The following GAS2 variants were observed in gnomAD, a reference collection of about 807,000 sequenced individuals.
GAS2 encodes growth arrest specific 2.
In GAS2, 20 loss-of-function variants were observed where a neutral mutation model predicts 37.5. The ratio of observed to expected loss-of-function variants is 0.53; its 90% CI spans 0.37 to 0.77. The LOEUF (loss-of-function observed/expected upper bound fraction) is 0.77, where lower values mean the gene tolerates loss of function less well. Ranked by LOEUF, GAS2 falls within the 30% of genes least tolerant of loss-of-function variation. The pLI is 0.00. For synonymous variants in GAS2, 144 were observed against 132.2 expected, an observed-to-expected ratio of 1.09 and a Z score of -0.61; for missense variants, 336 against 373.4, an observed-to-expected ratio of 0.90 and a Z score of 0.82.
intron 1 of GAS2, among the ~76,000 whole-genome samples, chr11:22,658,339 A>G (rs1848878772): frequency 6.6e-6 from 1 of 152,154 alleles, no homozygotes; most frequent in Non-Finnish European, 1.5e-5. Flanking sequence ...TTTGCTTTTA[A>G]AAGACTCAAT....
intron 3 of GAS2, among the ~76,000 whole-genome samples, chr11:22,696,037 A>C (rs955310113): frequency 2.0e-5 from 3 of 151,582 alleles, no homozygotes; most frequent in African/African-American, 7.3e-5. Flanking sequence ...GGTGTGCTGC[A>C]CCCATTAACT....
At chr11:22,673,177 C>G (rs1473723261) in intron 1 of GAS2, among the ~76,000 whole-genome samples, 2 of 152,090 alleles carry the variant, frequency 1.3e-5, no homozygotes, top group Non-Finnish European at 2.9e-5. Context: ...TTTTCTATTA[C>G]TACAGCAAAA....
chr11:22,692,588 T>A (rs1475575850), intron 3 of GAS2, among the ~76,000 whole-genome samples: 1 of 151,980 alleles, frequency 6.6e-6, no homozygotes, highest in Non-Finnish European at 1.5e-5. Flanking sequence ...TTCTTTTGAG[T>A]TTCTGATTAG....
At chr11:22,695,649 C>T (rs1358539835) in intron 3 of GAS2, among the ~76,000 whole-genome samples, 1 of 152,140 alleles carries the variant, frequency 6.6e-6, no homozygotes, top group Non-Finnish European at 1.5e-5. Flanking sequence ...TCATATTATT[C>T]TGTAAATTCC....
intron 5 of GAS2, among the ~76,000 whole-genome samples, chr11:22,740,729 T>C (rs1321863669): frequency 3.3e-5 from 5 of 152,228 alleles, no homozygotes; most frequent in Non-Finnish European, 5.9e-5. Context: ...AAATTTCTCT[T>C]AATCTAATTT....
At chr11:22,775,981 A>G (rs1286278194) in intron 7 of GAS2, among the ~76,000 whole-genome samples, 2 of 152,212 alleles carry the variant, frequency 1.3e-5, no homozygotes, top group Admixed American at 6.5e-5. Flanking sequence ...CCATTTACAA[A>G]TTTCTTTACA....
chr11:22,673,570 G>T (rs1849289555), intron 1 of GAS2, among the ~76,000 whole-genome samples: 1 of 152,086 alleles, frequency 6.6e-6, no homozygotes, highest in Non-Finnish European at 1.5e-5. Context: ...TGCTTCATTA[G>T]TTCTTCCGTA....
intron 3 of GAS2, among the ~76,000 whole-genome samples, chr11:22,689,221 C>T (rs1850113508): frequency 6.6e-6 from 1 of 152,096 alleles, no homozygotes; most frequent in South Asian, 2.1e-4. Flanking sequence ...TATACCCAAC[C>T]TCAACAAGGT....
intron 6 of GAS2, among the ~76,000 whole-genome samples, chr11:22,753,071 C>T (rs1472018937): frequency 6.6e-6 from 1 of 152,054 alleles, no homozygotes; most frequent in Non-Finnish European, 1.5e-5. Context: ...TTACTTTCTT[C>T]CTCTTCTCCA....
chr11:22,761,374 C>T (rs1292319402), intron 7 of GAS2, among the ~76,000 whole-genome samples: 3 of 152,148 alleles, frequency 2.0e-5, no homozygotes, highest in African/African-American at 7.2e-5. Flanking sequence ...GGTCTTTACA[C>T]TTAACTAAGC....
chr11:22,713,021 T>C (rs945639576), intron 3 of GAS2, among the ~76,000 whole-genome samples: 1 of 148,540 alleles, frequency 6.7e-6, no homozygotes, highest in Non-Finnish European at 1.5e-5. Flanking sequence ...GAGCCAAGAT[T>C]GTGCCACTGC....
upstream of GAS2, among the ~76,000 whole-genome samples, chr11:22,665,102 A>G (rs1189541921): frequency 2.6e-5 from 4 of 151,998 alleles, no homozygotes; most frequent in African/African-American, 9.7e-5. Context: ...TTTTTCCCCA[A>G]ACTGTATTTA....
chr11:22,727,254 G>T (rs1852260074), intron 4 of GAS2, among the ~76,000 whole-genome samples: 1 of 151,930 alleles, frequency 6.6e-6, no homozygotes, highest in South Asian at 2.1e-4. Context: ...AATTGAGAAA[G>T]GAGACATCTA....
intron 4 of GAS2, among the ~76,000 whole-genome samples, chr11:22,736,707 A>T (rs576360353): frequency 6.6e-6 from 1 of 152,266 alleles, no homozygotes; most frequent in East Asian, 1.9e-4. Flanking sequence ...TGTGTTTAAG[A>T]ATAAAAGCAA....
At chr11:22,694,564 G>A (rs1044215378) in intron 3 of GAS2, among the ~76,000 whole-genome samples, 8 of 152,128 alleles carry the variant, frequency 5.3e-5, no homozygotes, top group African/African-American at 1.4e-4. Flanking sequence ...ATTACAGGTC[G>A]AATAGAATGT....
At chr11:22,630,110 C>G (rs1030225639) in intron 1 of GAS2, among the ~76,000 whole-genome samples, 1 of 152,024 alleles carries the variant, frequency 6.6e-6, no homozygotes, top group African/African-American at 2.4e-5. Flanking sequence ...AGGTTTGTTA[C>G]ATATGTATAC....
chr11:22,781,069 A>G (rs112821572), intron 7 of GAS2, among the ~76,000 whole-genome samples: 70 of 152,262 alleles, frequency 4.6e-4, no homozygotes, highest in African/African-American at 1.6e-3. Flanking sequence ...AGAACCTGAG[A>G]AAAAAAGCAG....
chr11:22,766,242 C>CT (rs34345069), intron 7 of GAS2, among the ~76,000 whole-genome samples: 41,557 of 146,256 alleles, frequency 0.28, 6,428 homozygotes, highest in African/African-American at 0.43. Context: ...TCCTCGGATT[C>CT]TTTTTTTTTT....
At chr11:22,787,937 A>C (rs571563389) in intron 7 of GAS2, among the ~76,000 whole-genome samples, 40 of 152,276 alleles carry the variant, frequency 2.6e-4, no homozygotes, top group African/African-American at 9.6e-4. Context: ...TAAAGTATGT[A>C]ATTTTGAATA....
Sources: gnomAD v4.1 joint callset for allele counts (sites outside exome capture counted in the v4.1 genomes callset) on GRCh38, gnomAD v4.1.1 for gene constraint, MANE v1.5 for transcripts, NCBI Gene and HGNC (gene_info 2026-07-23, HGNC 2026-07-21) for gene names.